DORIP1: variants seen among roughly 807,000 people sequenced by gnomAD.
DORIP1 encodes dopamine receptor interacting protein 1.
At chr14:44,901,230 G>A in the DORIP1 span, among the ~76,000 whole-genome samples, 3 of 152,106 alleles carry the variant, frequency 2.0e-5, no homozygotes, top group Non-Finnish European at 2.9e-5. Flanking sequence ...ATATAGCCTC[G>A]GTGTGTAAAA....
chr14:44,901,095 G>A, the DORIP1 span: 2 of 781,528 alleles, frequency 2.6e-6, no homozygotes, highest in East Asian at 2.8e-5. Context: ...GTAGGATACT[G>A]TATATTTAGT....
chr14:44,900,770 A>G, the DORIP1 span: 1 of 1,614,164 alleles, frequency 6.2e-7, no homozygotes, highest in Non-Finnish European at 8.5e-7. Flanking sequence ...ATTTGGGACA[A>G]GATGGAAAAA....
At chr14:44,898,093 T>A in the DORIP1 span, among the ~76,000 whole-genome samples, 92 of 152,276 alleles carry the variant, frequency 6.0e-4, 1 homozygote, top group East Asian at 0.011. Flanking sequence ...TTATTCAAAT[T>A]GGAGGGCCCG....
the DORIP1 span, chr14:44,904,312 TAA>T: frequency 6.6e-7 from 1 of 1,506,334 alleles, no homozygotes; most frequent in Middle Eastern, 1.8e-4. Flanking sequence ...ATAAGAAAAT[TAA>T]AGTCATAAAG....
chr14:44,899,823 AATTTTTT>A, the DORIP1 span, among the ~76,000 whole-genome samples: 3 of 134,396 alleles, frequency 2.2e-5, no homozygotes, highest in Admixed American at 7.2e-5. Context: ...TTCATTTAGG[AATTTTTT>A]TTTTTTTTTT....
At chr14:44,902,291 C>G in the DORIP1 span, among the ~76,000 whole-genome samples, 1 of 152,080 alleles carries the variant, frequency 6.6e-6, no homozygotes, top group Admixed American at 6.6e-5. Flanking sequence ...GTAGCTGGGA[C>G]TACAGGTATA....
chr14:44,904,480 T>C, the DORIP1 span: 2 of 1,612,208 alleles, frequency 1.2e-6, no homozygotes, highest in Non-Finnish European at 1.7e-6. Flanking sequence ...ACATTGGAAA[T>C]CTGAAGATCT....
the DORIP1 span, chr14:44,897,346 G>T: frequency 6.4e-6 from 1 of 155,164 alleles, no homozygotes; most frequent in South Asian, 1.7e-4. Context: ...TGGGTCCAGT[G>T]AGATTGGGCC....
the DORIP1 span, chr14:44,900,308 G>T: frequency 1.2e-6 from 1 of 854,782 alleles, no homozygotes; most frequent in South Asian, 3.4e-5. Flanking sequence ...TTTTTGCTAT[G>T]TTGGGAGGCC....
the DORIP1 span, chr14:44,904,722 G>A: frequency 1.9e-6 from 1 of 529,384 alleles, no homozygotes; most frequent in African/African-American, 2.0e-5. Context: ...GGGTAGGTGT[G>A]TGGACTACAG....
At chr14:44,903,430 C>T in the DORIP1 span, 9 of 1,431,568 alleles carry the variant, frequency 6.3e-6, no homozygotes, top group Middle Eastern at 2.1e-4. Flanking sequence ...GTTTTTGTTA[C>T]GGAGTATATC....
chr14:44,903,293 A>G, the DORIP1 span: 1 of 1,609,622 alleles, frequency 6.2e-7, no homozygotes, highest in Non-Finnish European at 8.5e-7. Context: ...TGTGAAGAGC[A>G]TGGGTGAGTA....
At chr14:44,898,486 C>A in the DORIP1 span, among the ~76,000 whole-genome samples, 1 of 152,182 alleles carries the variant, frequency 6.6e-6, no homozygotes, top group Non-Finnish European at 1.5e-5. Context: ...TTTTAGGAAT[C>A]CGAACTCAGG....
At chr14:44,899,750 A>G in the DORIP1 span, among the ~76,000 whole-genome samples, 4 of 152,096 alleles carry the variant, frequency 2.6e-5, no homozygotes, top group Non-Finnish European at 4.4e-5. Flanking sequence ...GTATTTTGGA[A>G]AGATGAGGAG....
At chr14:44,898,961 T>C in the DORIP1 span, 6 of 152,350 alleles carry the variant, frequency 3.9e-5, no homozygotes, top group Non-Finnish European at 7.4e-5. Flanking sequence ...TTTGGGAGGA[T>C]GCAGCACTTG....
chr14:44,901,037 C>A, the DORIP1 span: 1 of 1,416,174 alleles, frequency 7.1e-7, no homozygotes, highest in East Asian at 2.3e-5. Context: ...TCGTGTACCC[C>A]ATAATGACAT....
chr14:44,900,258 G>T, the DORIP1 span, among the ~76,000 whole-genome samples: 1 of 152,168 alleles, frequency 6.6e-6, no homozygotes, highest in Non-Finnish European at 1.5e-5. Flanking sequence ...GGTCTTTCCA[G>T]AGAGCATGCA....
the DORIP1 span, chr14:44,904,710 G>A: frequency 3.3e-6 from 2 of 602,674 alleles, no homozygotes; most frequent in Non-Finnish European, 2.6e-6. Context: ...AGTGCACATA[G>A]TGGGTAGGTG....
At chr14:44,901,223 T>C in the DORIP1 span, among the ~76,000 whole-genome samples, 1 of 152,238 alleles carries the variant, frequency 6.6e-6, no homozygotes, top group African/African-American at 2.4e-5. Flanking sequence ...CTTTACCATA[T>C]AGCCTCGGTG....
Sources: allele counts gnomAD v4.1 joint callset (sites outside exome capture counted in the v4.1 genomes callset), GRCh38; gene constraint gnomAD v4.1.1; transcripts MANE v1.5; gene names NCBI Gene and HGNC (gene_info 2026-07-23, HGNC 2026-07-21).